The following SIPA1L1 variants were observed in gnomAD, a reference collection of about 807,000 sequenced individuals.
SIPA1L1 encodes the protein signal induced proliferation associated 1 like 1, also known as signal-induced proliferation-associated 1-like protein 1.
In SIPA1L1, 26 loss-of-function variants were observed where a neutral mutation model predicts 162.7. That is an observed-to-expected ratio of 0.16 (90% CI 0.12 to 0.22). The LOEUF (loss-of-function observed/expected upper bound fraction) is 0.22. SIPA1L1 is among the 10% of genes least tolerant of loss of function. SIPA1L1 has a pLI of 1.00. For missense variants in SIPA1L1, 1,874 were observed against 2,241.0 expected, an observed-to-expected ratio of 0.84 and a Z score of 3.31; for synonymous variants, 829 against 837.4, an observed-to-expected ratio of 0.99 and a Z score of 0.17.
At chr14:71,491,336 TC>T (rs749570389) in intron 2 of SIPA1L1, among the ~76,000 whole-genome samples, 6 of 152,156 alleles carry the variant, frequency 3.9e-5, no homozygotes, top group Non-Finnish European at 8.8e-5. Context: ...TTCCTCTTTT[TC>T]CCCTTGAGCC....
chr14:71,409,039 C>T (rs1021342014), intron 2 of SIPA1L1, among the ~76,000 whole-genome samples: 5 of 152,118 alleles, frequency 3.3e-5, no homozygotes, highest in Admixed American at 6.5e-5. Flanking sequence ...ACTGTGTGTT[C>T]CCCCGTGATC....
chr14:71,392,264 T>A (rs2040822312), intron 2 of SIPA1L1, among the ~76,000 whole-genome samples: 1 of 152,212 alleles, frequency 6.6e-6, no homozygotes, highest in Admixed American at 6.5e-5. Flanking sequence ...AGAGGCCCTC[T>A]GGATGTGGCT....
chr14:71,474,250 A>G (rs2047681726), intron 2 of SIPA1L1, among the ~76,000 whole-genome samples: 2 of 152,248 alleles, frequency 1.3e-5, no homozygotes, highest in South Asian at 4.1e-4. Flanking sequence ...ATGATCAACT[A>G]TGAAGTTAGC....
Position 71,592,346 on chromosome 14 carries a change from ATTG to A in SIPA1L1, c.1498+2982_1498+2984del, listed in dbSNP as rs1356772138. ...AAAGTATAAACTGTACATTTTAAAA[ATTG>A]TTGTTTATACTTTTATATAGTATAA... On this transcript the variant is annotated intron_variant, in intron 5 of 23. Transcript: ENST00000381232. 3.3e-5 allele frequency among the ~76,000 whole-genome samples: 5 copies of A among 152,296 alleles called. No individual in the cohort carries two copies. In the South Asian group the frequency reaches 8.3e-4, roughly 25 times the overall value.
chr14:71,552,094 AT>A (rs1348846751), intron 4 of SIPA1L1, among the ~76,000 whole-genome samples: 1 of 152,052 alleles, frequency 6.6e-6, no homozygotes, highest in Non-Finnish European at 1.5e-5. Context: ...GATGGCTTTG[AT>A]TGCTGTACCC....
intron 4 of SIPA1L1, among the ~76,000 whole-genome samples, chr14:71,576,997 C>T (rs561006976): frequency 1.9e-4 from 28 of 149,922 alleles, no homozygotes; most frequent in Admixed American, 8.0e-4. Context: ...GCAGGAGAAT[C>T]GCTTGAACCT....
At chr14:71,591,986 A>G (rs995207222) in intron 5 of SIPA1L1, among the ~76,000 whole-genome samples, 1 of 152,236 alleles carries the variant, frequency 6.6e-6, no homozygotes, top group Non-Finnish European at 1.5e-5. Flanking sequence ...ATTAAATTTC[A>G]TAATTAAAAT....
chr14:71,474,169 T>C (rs2142321658), intron 2 of SIPA1L1, among the ~76,000 whole-genome samples: 1 of 152,318 alleles, frequency 6.6e-6, no homozygotes, highest in East Asian at 1.9e-4. Flanking sequence ...GGGTTGAAGG[T>C]AACGTAGATA....
chr14:71,735,857 A>G (rs756165471), intron 22 of SIPA1L1, among the ~76,000 whole-genome samples: 7 of 152,234 alleles, frequency 4.6e-5, no homozygotes, highest in Admixed American at 4.6e-4. Flanking sequence ...TTAAGATGGT[A>G]TGAAGGTGAA....
At chr14:71,483,979 A>G (rs886590009) in intron 2 of SIPA1L1, among the ~76,000 whole-genome samples, 1 of 152,166 alleles carries the variant, frequency 6.6e-6, no homozygotes, top group African/African-American at 2.4e-5. Context: ...TTGGTTGCTC[A>G]TGTCTGTACG....
intron 17 of SIPA1L1, among the ~76,000 whole-genome samples, chr14:71,723,123 C>T (rs2083899407): frequency 6.6e-6 from 1 of 152,238 alleles, no homozygotes; most frequent in Non-Finnish European, 1.5e-5. Flanking sequence ...CTTCCAGAGC[C>T]AATAGGAATG....
intron 2 of SIPA1L1, among the ~76,000 whole-genome samples, chr14:71,488,677 T>C (rs2048973506): frequency 6.6e-6 from 1 of 152,212 alleles, no homozygotes; most frequent in African/African-American, 2.4e-5. Context: ...AGAAAACTCT[T>C]TCTTCCTTGT....
chr14:71,700,478 T>C (rs947051639), intron 14 of SIPA1L1, among the ~76,000 whole-genome samples: 11 of 152,246 alleles, frequency 7.2e-5, no homozygotes, highest in African/African-American at 2.7e-4. Flanking sequence ...ATATTTACTC[T>C]TATGAATGAA....
chr14:71,350,968 C>T (rs1411248564), intron 2 of SIPA1L1, among the ~76,000 whole-genome samples: 5 of 152,152 alleles, frequency 3.3e-5, no homozygotes, highest in Admixed American at 3.3e-4. Flanking sequence ...TGTGCTGTTG[C>T]GCTCTGTATT....
intron 2 of SIPA1L1, among the ~76,000 whole-genome samples, chr14:71,391,103 CTTTTTTT>C (rs36003254): frequency 1.6e-4 from 17 of 108,456 alleles, no homozygotes; most frequent in Middle Eastern, 6.0e-3. Context: ...TATTCAGTAT[CTTTTTTT>C]TTTTTTTTTT....
chr14:71,451,242 G>A (rs765306177), intron 2 of SIPA1L1, among the ~76,000 whole-genome samples: 1 of 151,892 alleles, frequency 6.6e-6, no homozygotes, highest in Non-Finnish European at 1.5e-5. Context: ...GAGAAGGGGG[G>A]ATAGTGAGGG....
At chr14:71,675,727 C>A (rs1387958948) in intron 12 of SIPA1L1, among the ~76,000 whole-genome samples, 1 of 152,160 alleles carries the variant, frequency 6.6e-6, no homozygotes, top group African/African-American at 2.4e-5. Flanking sequence ...GCAGCTGCAG[C>A]GAGAGGCAGG....
intron 2 of SIPA1L1, among the ~76,000 whole-genome samples, chr14:71,508,364 T>G (rs2050847584): frequency 6.6e-6 from 1 of 152,246 alleles, no homozygotes; most frequent in Non-Finnish European, 1.5e-5. Flanking sequence ...CTCTTGTTTC[T>G]TTGTTCATAT....
At chr14:71,439,737 T>G (rs925572207) in intron 2 of SIPA1L1, among the ~76,000 whole-genome samples, 2 of 152,224 alleles carry the variant, frequency 1.3e-5, no homozygotes, top group African/African-American at 4.8e-5. Context: ...ATGAAAACCT[T>G]ATTTAGGTAA....
Sources: allele counts gnomAD v4.1 joint callset (sites outside exome capture counted in the v4.1 genomes callset), GRCh38; gene constraint gnomAD v4.1.1; transcripts MANE v1.5; gene names NCBI Gene and HGNC (gene_info 2026-07-23, HGNC 2026-07-21).